The following YIF1B variants were observed in gnomAD, a reference collection of about 807,000 sequenced individuals.
The protein encoded by YIF1B is Yip1 interacting factor homolog B, membrane trafficking protein.
Under a neutral mutation model 34.6 loss-of-function variants are expected in YIF1B, and 24 were observed. That is an observed-to-expected ratio of 0.69 (90% CI 0.50 to 0.98). YIF1B has a LOEUF of 0.98. Among genes scored for constraint, YIF1B ranks in the 50% least tolerant of loss-of-function variants. YIF1B has a pLI of 0.00. For synonymous variants in YIF1B, 186 were observed against 184.8 expected (o/e 1.01, Z -0.05); for missense variants, 368 against 429.4 (o/e 0.86, Z 1.26).
chr19:38,304,910 G>GAAGAAGGAGGGC lies in YIF1B; in HGVS notation c.*441_*442insGCCCTCCTTCTT. 1 of 1,571,380 alleles carries GAAGAAGGAGGGC rather than the reference G, an allele frequency of 6.4e-7. No individual in the cohort carries two copies. ...GCAAGGCCAAGAAGCCCAAAGTGAA[G>GAAGAAGGAGGGC]AAGAAGGAGAAGGGCAAGAAGGAGA... On this transcript the variant is annotated 3_prime_UTR_variant, in exon 8 of 8. Coordinates refer to ENST00000339413, the MANE Select transcript of YIF1B (RefSeq NM_001039672.3).
At chr19:38,314,921 C>T (rs909182622) in intron 1 of YIF1B, among the ~76,000 whole-genome samples, 3 of 152,020 alleles carry the variant, frequency 2.0e-5, no homozygotes, top group Admixed American at 2.0e-4. Context: ...CCTGCCCTCT[C>T]ACTACAAATC....
chr19:38,309,600 G>A lies in YIF1B; in HGVS notation c.102C>T (p.Asp34=). 2.5e-6 allele frequency: 4 copies of A among 1,599,328 alleles called. No homozygotes were observed. The highest frequency in any genetic ancestry group is 3.4e-6 in the Non-Finnish European group (4 of 1,173,576). Residue 34 remains aspartate, a synonymous_variant, in exon 2 of 8, where the codon GAC becomes GAT. Coordinates refer to ENST00000339413, the MANE Select transcript of YIF1B (RefSeq NM_001039672.3). ...TTGTGTCATCGAAAAGCTGGTGGGG[G>A]TCGGCCATGCCCGGCTGGGACACAG... ...RIPVSQPGMA[D]PHQLFDDTSS...
At position 38,315,890 on chromosome 19, in the gene YIF1B, C is replaced by T. The variant is rs926079435; in HGVS notation, c.28G>A (p.Ala10Thr). The T allele has an allele frequency of 1.4e-6, 2 of 1,480,016 alleles. No homozygotes were observed. The highest frequency in any genetic ancestry group is 1.8e-6 in the Non-Finnish European group (2 of 1,123,642). The allele number at this position is 1,480,016 out of a possible 1,614,324, so 91.7% of individuals were successfully genotyped here. A position where few individuals can be genotyped will look rare whatever the true frequency, so the allele number is the denominator to read the frequency against. The change falls in exon 1 of 8, where the codon GCT becomes ACT. Residue 10 changes from alanine (A) to threonine (T), a missense_variant. Coordinates refer to ENST00000339413, the MANE Select transcript of YIF1B (RefSeq NM_001039672.3). Reference sequence around the variant, plus strand: ...TTACGCAGCCGGGGCGTCCCCGCAGCCGCCGCCGCCAAGCCTGCCGGGTGC... The same window carrying T: ...TTACGCAGCCGGGGCGTCCCCGCAGTCGCCGCCGCCAAGCCTGCCGGGTGC... MHPAGLAAA[A>T]AGTPRLRKWP...
chr19:38,306,188 G>A (rs550540426), intron 7 of YIF1B, among the ~76,000 whole-genome samples: 21 of 133,682 alleles, frequency 1.6e-4, no homozygotes, highest in East Asian at 1.1e-3. Context: ...TCCCGACAGA[G>A]CGAGACTCTG....
At chr19:38,315,837 G>T (rs776305526) in intron 1 of YIF1B, 23 bp downstream of exon 1, 1 of 1,302,918 alleles carries the variant, frequency 7.7e-7, no homozygotes, top group Admixed American at 2.6e-5. Flanking sequence ...CCGCCCGCCC[G>T]ATCTCCTCCG....
rs199853490 is a variant in YIF1B at position 38,309,526 on chromosome 19, A to T, written c.176T>A (p.Leu59Gln). The T allele has an allele frequency of 1.7e-5, 28 of 1,608,294 alleles. No individual in the cohort carries two copies. The East Asian group carries it at 6.3e-4, about 36-fold the overall frequency. ...GYGAQRAPGG[L>Q]SYPAASPTPH... ...CGTGGGAGAGGCTGCAGGATAACTC[A>T]GGCCACCAGGTGCCCGCTGGGCCCC... Residue 59 changes from leucine (L) to glutamine (Q), a missense_variant, in exon 2 of 8, where the codon CTG becomes CAG. Physicochemically the swap from Leu to Gln is moderately radical, Grantham distance 113. Around this residue, in one of 3 missense-constraint regions of YIF1B, gnomAD observed 153 missense variants for 156.7 expected, o/e 0.98. Coordinates refer to ENST00000339413, the MANE Select transcript of YIF1B (RefSeq NM_001039672.3).
At chr19:38,307,344 C>G in intron 7 of YIF1B, 84 bp downstream of exon 7, 2 of 1,459,974 alleles carry the variant, frequency 1.4e-6, no homozygotes, top group Non-Finnish European at 1.9e-6. Context: ...GGTCTGAACC[C>G]CACACCTGAC....
intron 1 of YIF1B, among the ~76,000 whole-genome samples, chr19:38,313,153 T>C (rs1969393408): frequency 6.6e-6 from 1 of 152,146 alleles, no homozygotes. Context: ...GGTTTCACCA[T>C]TTTGGGCAGG....
rs746728624 is a variant in YIF1B, at chr19:38,309,522, ACT to A, written c.178_179del (p.Ser60LeufsTer15). 2 of 1,609,878 alleles carry A rather than the reference ACT, an allele frequency of 1.2e-6. No individual in the cohort carries two copies. Among genetic ancestry groups the A allele is most frequent in the Admixed American group, 3.4e-5 (2 of 59,090 alleles). ...GGGGCGTGGGAGAGGCTGCAGGATA[ACT>A]CAGGCCACCAGGTGCCCGCTGGGCC... ...YGAQRAPGGL[S>X]YPAASPTPHA... On this transcript the variant is annotated frameshift_variant, in exon 2 of 8. Coordinates refer to ENST00000339413, the MANE Select transcript of YIF1B (RefSeq NM_001039672.3). LOFTEE classifies it high-confidence loss of function.
At chr19:38,309,979 T>TCCATCCAC (rs146340126) in intron 1 of YIF1B, 406,073 of 407,980 alleles carry the variant, frequency 1, 202,169 homozygotes, top group Middle Eastern at 1. Flanking sequence ...CATCCATTCA[T>TCCATCCAC]CCATCCATCC....
At chr19:38,310,951 C>G (rs1049766121) in intron 1 of YIF1B, among the ~76,000 whole-genome samples, 3 of 152,120 alleles carry the variant, frequency 2.0e-5, no homozygotes, top group African/African-American at 7.2e-5. Context: ...TGCTGGCTGT[C>G]TTATTTTGTT....
intron 1 of YIF1B, among the ~76,000 whole-genome samples, chr19:38,314,933 C>T (rs1044630665): frequency 2.0e-5 from 3 of 151,972 alleles, no homozygotes; most frequent in African/African-American, 7.2e-5. Context: ...CTACAAATCT[C>T]CTTCTCCTGG....
chr19:38,310,474 C>T (rs1294646649), intron 1 of YIF1B, among the ~76,000 whole-genome samples: 1 of 150,618 alleles, frequency 6.6e-6, no homozygotes, highest in Non-Finnish European at 1.5e-5. Context: ...CATCTATCAT[C>T]CATCCATCCA....
Position 38,309,301 on chromosome 19 carries a change from G to A in YIF1B, c.325C>T (p.Leu109Phe). The part of the protein sequence containing the change: ...NIDRFIPITK[L>F]KYYFAVDTMY... ...GTGTCCACAGCAAAGTAATACTTGAGCTTGGTGATGGGGATGAAGCGGTCG... is the reference window on the plus strand; with the variant it reads ...GTGTCCACAGCAAAGTAATACTTGAACTTGGTGATGGGGATGAAGCGGTCG... The change falls in exon 3 of 8, where the codon CTC (leucine) becomes TTC (phenylalanine). Residue 109 changes from leucine to phenylalanine, a missense_variant. Coordinates refer to ENST00000339413, the MANE Select transcript of YIF1B (RefSeq NM_001039672.3). 6.2e-7 allele frequency: 1 copy of A among 1,614,142 alleles called. No homozygotes were observed. Among genetic ancestry groups the A allele is most frequent in the South Asian group, 1.1e-5 (1 of 91,088 alleles).
rs2304177 is a variant in YIF1B at position 38,304,519 on chromosome 19, G to A, written c.*833C>T. 0.16 allele frequency: 244,935 copies of A among 1,565,810 alleles called. 20,360 individuals carry two copies. The highest frequency in any genetic ancestry group is 0.23 in the Admixed American group (11,948 of 52,000). ...AGTCGCCTCATCACCGGCTGCGGAG[G>A]GGCGGGAAGGCTGGGGTTGCCCCTG... On this transcript the variant is annotated 3_prime_UTR_variant, in exon 8 of 8. Transcript: ENST00000339413.
Position 38,307,723 on chromosome 19 carries a change from G to A in YIF1B, c.569C>T (p.Ala190Val), listed in dbSNP as rs1039243015. 7 of 1,613,056 alleles carry A rather than the reference G, an allele frequency of 4.3e-6. No individual in the cohort carries two copies. In the Admixed American group the frequency reaches 5.0e-5, roughly 12 times the overall value. ...RFSPDLLGLQ[A>V]SSALAWLTLE... ...GGTCAGCCAGGCCAGGGCTGAGCTCGCTTGCAGCCCCAGGAGGTCTGGGGA... is the reference window on the plus strand; with the variant it reads ...GGTCAGCCAGGCCAGGGCTGAGCTCACTTGCAGCCCCAGGAGGTCTGGGGA... The change falls in exon 6 of 8, where the codon GCG (alanine) becomes GTG (valine). Residue 190 changes from alanine to valine, a missense_variant. Physicochemically the swap from Ala to Val is moderately conservative, Grantham distance 64. This residue lies in a region of YIF1B where 208 missense variants were observed against 247.8 expected (regional missense o/e 0.84). Transcript: ENST00000339413.
At chr19:38,310,184 C>T (rs1969266523) in intron 1 of YIF1B, among the ~76,000 whole-genome samples, 1 of 150,114 alleles carries the variant, frequency 6.7e-6, no homozygotes, top group Non-Finnish European at 1.5e-5. Context: ...ATTCATCCAT[C>T]CACCCATCCA....
upstream of YIF1B, among the ~76,000 whole-genome samples, chr19:38,318,404 C>T (rs1969607748): frequency 6.6e-6 from 1 of 152,032 alleles, no homozygotes; most frequent in African/African-American, 2.4e-5. Flanking sequence ...CTGCCTCAGC[C>T]TCCCGAGTAG....
rs768733475 is a variant in YIF1B, at chr19:38,305,520, G to A, written c.790-13C>T. 6.3e-7 allele frequency: 1 copy of A among 1,591,708 alleles called. No homozygotes were observed. Among genetic ancestry groups the A allele is most frequent in the Admixed American group, 1.7e-5 (1 of 59,092 alleles). Reference sequence around the variant, plus strand: ...GCAGCGTCCGGATCTGGGTGGGAAAGAGAGAGAGGAACCAAGGGATTTACC... The same window carrying A: ...GCAGCGTCCGGATCTGGGTGGGAAAAAGAGAGAGGAACCAAGGGATTTACC... On this transcript the variant is annotated splice_polypyrimidine_tract_variant and intron_variant, in intron 7 of 7. Transcript: ENST00000339413.
Sources: gnomAD v4.1 joint callset for allele counts (sites outside exome capture counted in the v4.1 genomes callset) on GRCh38, gnomAD v4.1.1 for gene constraint, gnomAD v4.1.1 regional missense constraint, MANE v1.5 for transcripts, NCBI Gene and HGNC (gene_info 2026-07-23, HGNC 2026-07-21) for gene names.